Variants in MAP3K13 observed in about 807,000 individuals in gnomAD.
MAP3K13 encodes mitogen-activated protein kinase kinase kinase 13.
Under a neutral mutation model 104.0 loss-of-function variants are expected in MAP3K13, and 52 were observed. The ratio of observed to expected loss-of-function variants is 0.50; its 90% confidence interval spans 0.40 to 0.63. The LOEUF (loss-of-function observed/expected upper bound fraction) is 0.63. Among genes scored for constraint, MAP3K13 ranks in the 20% least tolerant of loss-of-function variants. The pLI, the probability that MAP3K13 is intolerant of heterozygous loss-of-function variation, is 0.00. For missense variants in MAP3K13, 914 were observed against 1,218.5 expected, an observed-to-expected ratio of 0.75 and a Z score of 3.72; for synonymous variants, 394 against 442.2, an observed-to-expected ratio of 0.89 and a Z score of 1.37.
chr3:185,477,177 A>T (rs764573038), intron 11 of MAP3K13, 149 bp from the exon 12 acceptor site: 1 of 706,264 alleles, frequency 1.4e-6, no homozygotes. Context: ...AATAATGAGG[A>T]CATGTATGTT....
chr3:185,467,900 G>A lies in MAP3K13; in HGVS notation c.1643+937G>A, dbSNP rs758251160. On this transcript the variant is annotated intron_variant, in intron 10 of 13. Transcript: ENST00000265026. ...CATGACAGCTTCTGCTCAGCTTCTCGGGAGGCCTCAGGAAACTTATAATCA... is the reference window on the plus strand; with the variant it reads ...CATGACAGCTTCTGCTCAGCTTCTCAGGAGGCCTCAGGAAACTTATAATCA... 5.3e-5 allele frequency among the ~76,000 whole-genome samples: 8 copies of A among 151,966 alleles called. No homozygotes were observed. The South Asian group carries it at 6.2e-4, about 12-fold the overall frequency.
intron 1 of MAP3K13, among the ~76,000 whole-genome samples, chr3:185,379,426 G>A (rs2108756980): frequency 6.6e-6 from 1 of 152,290 alleles, no homozygotes; most frequent in Non-Finnish European, 1.5e-5. Context: ...TAGTGAGAGA[G>A]GTTGGAGAAG....
At chr3:185,451,450 G>A in intron 7 of MAP3K13, 55 bp downstream of exon 7, 1 of 1,159,766 alleles carries the variant, frequency 8.6e-7, no homozygotes, top group Non-Finnish European at 1.3e-6. Context: ...AACTCTCAAT[G>A]AAACAGAGTA....
intron 3 of MAP3K13, among the ~76,000 whole-genome samples, chr3:185,440,381 G>A (rs1715259610): frequency 6.6e-6 from 1 of 152,104 alleles, no homozygotes; most frequent in Non-Finnish European, 1.5e-5. Context: ...TAGTCGAATA[G>A]GAGGCTGAGT....
chr3:185,308,639 G>A (rs539128477), intron 2 of MAP3K13, among the ~76,000 whole-genome samples: 1 of 152,150 alleles, frequency 6.6e-6, no homozygotes, highest in Non-Finnish European at 1.5e-5. Flanking sequence ...TGGACCCCAA[G>A]CATCCAAAGT....
intron 7 of MAP3K13, among the ~76,000 whole-genome samples, chr3:185,455,563 A>ATATATATGATATATAT (rs1217413167): frequency 1.1e-4 from 2 of 18,358 alleles, no homozygotes; most frequent in Non-Finnish European, 2.6e-4. Context: ...GATATATATG[A>ATATATATGATATATAT]GATATATATG....
intron 1 of MAP3K13, among the ~76,000 whole-genome samples, chr3:185,386,522 C>A (rs1711700775): frequency 6.6e-6 from 1 of 152,054 alleles, no homozygotes; most frequent in Non-Finnish European, 1.5e-5. Flanking sequence ...GGTAAAAATA[C>A]CATTTGACCC....
At chr3:185,439,948 G>A (rs762341219) in intron 3 of MAP3K13, among the ~76,000 whole-genome samples, 18 of 152,154 alleles carry the variant, frequency 1.2e-4, no homozygotes, top group Non-Finnish European at 2.5e-4. Context: ...GCAGCCATCT[G>A]TGCCATGTGT....
intron 1 of MAP3K13, among the ~76,000 whole-genome samples, chr3:185,388,166 A>T (rs1711807007): frequency 6.6e-6 from 1 of 152,020 alleles, no homozygotes; most frequent in Admixed American, 6.6e-5. Flanking sequence ...GTAACCAAGG[A>T]GGTAAAAGAC....
chr3:185,306,886 G>GT (rs1464028828), intron 2 of MAP3K13, among the ~76,000 whole-genome samples: 2 of 151,994 alleles, frequency 1.3e-5, no homozygotes, highest in Non-Finnish European at 2.9e-5. Flanking sequence ...TGTTTCCTAG[G>GT]TTTTCTTCTA....
intron 7 of MAP3K13, among the ~76,000 whole-genome samples, chr3:185,462,744 G>C (rs11715971): frequency 0.11 from 17,107 of 152,238 alleles, 1,280 homozygotes; most frequent in Non-Finnish European, 0.17. Context: ...CTGCACTCCA[G>C]CCTGGGTGAC....
At chr3:185,314,363 C>T (rs1389645048) in intron 2 of MAP3K13, among the ~76,000 whole-genome samples, 1 of 152,146 alleles carries the variant, frequency 6.6e-6, no homozygotes, top group Non-Finnish European at 1.5e-5. Context: ...CGCCTGTAAT[C>T]CTAGCACTTT....
chr3:185,343,002 C>G (rs551311327), intron 2 of MAP3K13, among the ~76,000 whole-genome samples: 2 of 152,098 alleles, frequency 1.3e-5, no homozygotes, highest in African/African-American at 4.8e-5. Context: ...TTTTTTCTCC[C>G]TGTTGGCTAA....
chr3:185,417,354 G>T, intron 1 of MAP3K13: 1 of 935,058 alleles, frequency 1.1e-6, no homozygotes, highest in Non-Finnish European at 1.6e-6. Context: ...CTTAGAACTT[G>T]GAAATAATCA....
intron 2 of MAP3K13, among the ~76,000 whole-genome samples, chr3:185,326,216 G>T (rs938722431): frequency 6.6e-6 from 1 of 152,148 alleles, no homozygotes; most frequent in Non-Finnish European, 1.5e-5. Context: ...CTAGCACAGT[G>T]CCTGGCAGGT....
chr3:185,384,874 T>C (rs766590082), intron 1 of MAP3K13, among the ~76,000 whole-genome samples: 3 of 152,228 alleles, frequency 2.0e-5, no homozygotes, highest in African/African-American at 4.8e-5. Flanking sequence ...AGTTTGTACA[T>C]ATTTTCTTTC....
chr3:185,418,493 A>C lies in MAP3K13; in HGVS notation c.-85-10004A>C, dbSNP rs1357099277. 36 of 1,611,816 alleles carry C rather than the reference A, an allele frequency of 2.2e-5. No homozygotes were observed. Among genetic ancestry groups the C allele is most frequent in the Non-Finnish European group, 2.9e-5 (34 of 1,179,780 alleles). ...GGTGCAAACCTTCGGCCTCCACGAC[A>C]CATGTTTCCAAAAGCACCCTGGCCA... On this transcript the variant is annotated intron_variant, in intron 1 of 13. Transcript: ENST00000265026. This position sits in a 1 kb window ranked among gnomAD's most constrained non-coding sequence, Gnocchi z 4.5.
intron 7 of MAP3K13, among the ~76,000 whole-genome samples, chr3:185,451,724 A>C (rs996011701): frequency 2.6e-5 from 4 of 151,998 alleles, no homozygotes; most frequent in Non-Finnish European, 4.4e-5. Flanking sequence ...AAAATTAGCC[A>C]GGTATGGTGG....
At chr3:185,370,871 C>G (rs964914501) in intron 1 of MAP3K13, among the ~76,000 whole-genome samples, 3 of 151,836 alleles carry the variant, frequency 2.0e-5, no homozygotes, top group Non-Finnish European at 4.4e-5. Flanking sequence ...CCTGAAATAA[C>G]CTTTGTTAGT....
Sources: allele counts gnomAD v4.1 joint callset (sites outside exome capture counted in the v4.1 genomes callset), GRCh38; gene constraint gnomAD v4.1.1; non-coding constraint Gnocchi (gnomAD v3.1); transcripts MANE v1.5; gene names NCBI Gene and HGNC (gene_info 2026-07-23, HGNC 2026-07-21).